NEK11: variants seen among roughly 807,000 people sequenced by gnomAD.
NEK11 encodes the protein serine/threonine-protein kinase Nek11.
In NEK11, 72 loss-of-function variants were observed where a neutral mutation model predicts 80.7. The ratio of observed to expected loss-of-function variants is 0.89; its 90% CI spans 0.74 to 1.08. NEK11 has a LOEUF of 1.08. Ranked by LOEUF, NEK11 falls within the 50% of genes least tolerant of loss-of-function variation. The pLI, the probability that NEK11 is intolerant of heterozygous loss-of-function variation, is 0.00. For missense variants in NEK11, 764 were observed against 763.6 expected (o/e 1.00, Z -0.01); for synonymous variants, 251 against 260.7 (o/e 0.96, Z 0.36).
intron 4 of NEK11, among the ~76,000 whole-genome samples, chr3:131,100,770 A>C (rs189960728): frequency 4.1e-4 from 62 of 152,252 alleles, no homozygotes; most frequent in Non-Finnish European, 7.2e-4. Flanking sequence ...TGAATTAGGG[A>C]GGAGCCCCTC....
intron 14 of NEK11, among the ~76,000 whole-genome samples, chr3:131,221,451 A>G (rs527791725): frequency 6.6e-6 from 1 of 152,238 alleles, no homozygotes; most frequent in East Asian, 1.9e-4. Flanking sequence ...AGCCCAGGTG[A>G]TGTTGTTCTT....
At chr3:131,031,964 G>GTTTT (rs71620101) in intron 3 of NEK11, among the ~76,000 whole-genome samples, 1 of 135,008 alleles carries the variant, frequency 7.4e-6, no homozygotes, top group East Asian at 2.0e-4. Flanking sequence ...AAATTAATCA[G>GTTTT]TTTTTTTTTT....
intron 4 of NEK11, among the ~76,000 whole-genome samples, chr3:131,097,070 T>A (rs558630008): frequency 2.3e-3 from 357 of 152,008 alleles, no homozygotes; most frequent in African/African-American, 8.1e-3. Flanking sequence ...GAACTCATCA[T>A]TTTTTATGGC....
chr3:131,083,216 A>G (rs951762103), intron 4 of NEK11, among the ~76,000 whole-genome samples: 3 of 152,252 alleles, frequency 2.0e-5, no homozygotes, highest in African/African-American at 7.2e-5. Context: ...TATTGTCTGA[A>G]TTACATTCTT....
At chr3:131,127,355 G>A (rs373159858) in intron 5 of NEK11, among the ~76,000 whole-genome samples, 3 of 151,742 alleles carry the variant, frequency 2.0e-5, no homozygotes, top group African/African-American at 7.3e-5. Context: ...CCTCTCTTCT[G>A]CTGTGTCTAA....
chr3:131,211,675 T>A (rs2094620633), intron 14 of NEK11, among the ~76,000 whole-genome samples: 2 of 152,194 alleles, frequency 1.3e-5, no homozygotes, highest in South Asian at 4.1e-4. Context: ...TTCTTTTTAC[T>A]CTTCTTTCTC....
intron 16 of NEK11, among the ~76,000 whole-genome samples, chr3:131,270,037 C>A (rs1200779499): frequency 4.6e-5 from 7 of 152,172 alleles, no homozygotes; most frequent in Non-Finnish European, 7.3e-5. Context: ...ATCTTCCATT[C>A]CCAATGGGAT....
chr3:131,087,029 A>G (rs77288015), intron 4 of NEK11, among the ~76,000 whole-genome samples: 2,671 of 152,228 alleles, frequency 0.018, 39 homozygotes, highest in East Asian at 0.076. Context: ...GAAATAATGA[A>G]TGTTGAAAAA....
chr3:131,331,872 G>A (rs371064501), intron 17 of NEK11, among the ~76,000 whole-genome samples: 79 of 152,302 alleles, frequency 5.2e-4, no homozygotes, highest in African/African-American at 1.6e-3. Context: ...CTAGCACAGC[G>A]GTCTGAGATC....
At chr3:131,082,182 T>C (rs1260873024) in intron 4 of NEK11, among the ~76,000 whole-genome samples, 1 of 152,122 alleles carries the variant, frequency 6.6e-6, no homozygotes, top group Admixed American at 6.5e-5. Context: ...GTGTGATCAG[T>C]GATATTGAAT....
chr3:131,231,615 C>G (rs1009093468), intron 15 of NEK11, among the ~76,000 whole-genome samples: 1 of 151,652 alleles, frequency 6.6e-6, no homozygotes, highest in African/African-American at 2.4e-5. Context: ...ATTACAACCC[C>G]ATTTGTTTTC....
intron 7 of NEK11, 52 bp from the exon 8 acceptor site, chr3:131,152,336 A>G (rs1229630486): frequency 6.6e-7 from 1 of 1,517,896 alleles, no homozygotes; most frequent in Non-Finnish European, 8.9e-7. Context: ...TGATGAAAAA[A>G]TTTAAAATAG....
Position 131,155,089 on chromosome 3 carries a change from T to C in NEK11, c.930T>C (p.Cys310=). ...EMTLEDKNLD[C]QKEAAHIINA... is the part of the protein sequence containing the mutation. ...CTCTGGAAGACAAAAATTTGGATTG[T>C]CAGAAGGAGGCTGCTCATATAATTA... Residue 310 remains cysteine, a synonymous_variant, in exon 10 of 18, where the codon TGT becomes TGC. Coordinates refer to ENST00000383366, the MANE Select transcript of NEK11 (RefSeq NM_024800.5). 6.2e-7 allele frequency: 1 copy of C among 1,612,428 alleles called. No homozygotes were observed. Among genetic ancestry groups the C allele is most frequent in the Non-Finnish European group, 8.5e-7 (1 of 1,178,450 alleles).
chr3:131,220,641 A>G (rs78265172), intron 14 of NEK11, among the ~76,000 whole-genome samples: 2,831 of 152,324 alleles, frequency 0.019, 42 homozygotes, highest in East Asian at 0.086. Context: ...GAAAGGACAA[A>G]TAGAGATGGA....
chr3:131,211,801 C>G (rs2094627564), intron 14 of NEK11, among the ~76,000 whole-genome samples: 1 of 152,070 alleles, frequency 6.6e-6, no homozygotes, highest in South Asian at 2.1e-4. Context: ...GTTCTTGTGC[C>G]ATGGTTTTCA....
intron 3 of NEK11, among the ~76,000 whole-genome samples, chr3:131,052,118 A>G (rs1416365155): frequency 1.5e-5 from 2 of 135,290 alleles, no homozygotes; most frequent in Admixed American, 8.0e-5. Flanking sequence ...CATATTATAC[A>G]CTTCTGGTTT....
At chr3:131,232,126 T>A (rs1047426730) in intron 15 of NEK11, among the ~76,000 whole-genome samples, 12 of 152,150 alleles carry the variant, frequency 7.9e-5, no homozygotes, top group African/African-American at 2.9e-4. Flanking sequence ...AAAACCTTTA[T>A]CACAAGCCAT....
chr3:131,064,877 A>C (rs1377893201), intron 3 of NEK11, among the ~76,000 whole-genome samples: 1 of 152,048 alleles, frequency 6.6e-6, no homozygotes, highest in Admixed American at 6.6e-5. Flanking sequence ...TGCTTATTCT[A>C]TTTTTATAGA....
chr3:131,209,825 G>A (rs1298606156), intron 14 of NEK11, among the ~76,000 whole-genome samples: 2 of 152,106 alleles, frequency 1.3e-5, no homozygotes, highest in Non-Finnish European at 2.9e-5. Context: ...GGGATTGGTG[G>A]TGATATCCCC....
Sources: gnomAD v4.1 joint callset for allele counts (sites outside exome capture counted in the v4.1 genomes callset) on GRCh38, gnomAD v4.1.1 for gene constraint, MANE v1.5 for transcripts, NCBI Gene and HGNC (gene_info 2026-07-23, HGNC 2026-07-21) for gene names.